The following KCNC3 variants were observed in gnomAD, a reference collection of about 807,000 sequenced individuals.
KCNC3 encodes potassium voltage-gated channel subfamily C member 3, also known as voltage-gated potassium channel KCNC3.
A neutral mutation model predicts 43.9 loss-of-function variants in KCNC3; 22 were observed. That is an observed-to-expected ratio of 0.50 (90% CI 0.36 to 0.72). The LOEUF is 0.72. KCNC3 is among the 30% of genes least tolerant of loss of function. The pLI is 0.00. For synonymous variants in KCNC3, 492 were observed against 488.0 expected, an observed-to-expected ratio of 1.01 and a Z score of -0.11; for missense variants, 829 against 1,073.8, an observed-to-expected ratio of 0.77 and a Z score of 3.19.
Position 50,320,486 on chromosome 19 carries a change from G to C in KCNC3, c.2170+107C>G, listed in dbSNP as rs530489287. 13 of 1,078,020 alleles carry C rather than the reference G, an allele frequency of 1.2e-5. No individual in the cohort carries two copies. The South Asian group carries it at 1.7e-4, about 14-fold the overall frequency. The allele number at this position is 1,078,020 out of a possible 1,614,324, so 66.8% of individuals were successfully genotyped here. On this transcript the variant is annotated intron_variant, in intron 3 of 4. Transcript: ENST00000477616. ...GGGAGGCAGTTTGGGGCCAAGGGAAGGGGGAAGGGAAGTCCACCGCCTCCT... is the reference window on the plus strand; with the variant it reads ...GGGAGGCAGTTTGGGGCCAAGGGAACGGGGAAGGGAAGTCCACCGCCTCCT...
At chr19:50,331,974 G>A (rs1293125810), upstream of KCNC3, among the ~76,000 whole-genome samples, 3 of 152,142 alleles carry the variant, frequency 2.0e-5, no homozygotes, top group African/African-American at 7.2e-5. Context: ...GCCCAGGAAG[G>A]TCGTTGCCCT....
upstream of KCNC3, chr19:50,329,894 T>G (rs1601104427): frequency 6.6e-6 from 1 of 151,856 alleles, no homozygotes; most frequent in African/African-American, 2.4e-5. Flanking sequence ...GCGGGCCTGG[T>G]TAGTCGGGGC....
chr19:50,328,570 G>A lies in KCNC3; in HGVS notation c.513C>T (p.Leu171=), dbSNP rs201217806. 3.7e-6 allele frequency: 6 copies of A among 1,610,958 alleles called. No homozygotes were observed. Among genetic ancestry groups the A allele is most frequent in the East Asian group, 2.2e-5 (1 of 44,804 alleles). Reference sequence around the variant, plus strand: ...CGGTCTCGTCGATGCCCCAGAAGCCGAGCTCCTCCTCAAACAGGGGCCCGC... The same window carrying A: ...CGGTCTCGTCGATGCCCCAGAAGCCAAGCTCCTCCTCAAACAGGGGCCCGC... ...DVCGPLFEEE[L]GFWGIDETDV... Residue 171 remains leucine (L), a synonymous_variant, in exon 1 of 5, where the codon CTC becomes CTT. Transcript: ENST00000477616.
At chr19:50,322,376 G>T (rs77320669) in intron 2 of KCNC3, among the ~76,000 whole-genome samples, 1 of 152,234 alleles carries the variant, frequency 6.6e-6, no homozygotes, top group East Asian at 1.9e-4. Flanking sequence ...TTTCCGTTCT[G>T]CCCTGGGGGA....
Position 50,312,955 on chromosome 19 carries a change from G to A in KCNC3, c.*3160C>T, listed in dbSNP as rs1188091829. 2 of 151,602 alleles carry A rather than the reference G, an allele frequency of 1.3e-5. No individual in the cohort carries two copies. The highest frequency in any genetic ancestry group is 2.9e-5 in the Non-Finnish European group (2 of 67,900). 9.4% of individuals were successfully genotyped at this position (151,602 alleles called of 1,614,324 possible). A position where few individuals can be genotyped will look rare whatever the true frequency, so the allele number is the denominator to read the frequency against. ...GGGAAGGATGGGGGGGACTCAAAAT[G>A]CCCCTTGCATAGGAATCGTTGCATC... On this transcript the variant is annotated 3_prime_UTR_variant, in exon 5 of 5. Transcript: ENST00000477616.
chr19:50,320,413 G>T, intron 3 of KCNC3, 64 bp from the exon 4 acceptor site: 1 of 626,946 alleles, frequency 1.6e-6, no homozygotes. Flanking sequence ...ACAGGTGAAG[G>T]GTCAGTGGTG....
In KCNC3 at chr19:50,322,980, C is replaced by T. The variant is rs1186390039; in HGVS notation, c.1973G>A (p.Arg658Gln). 12 of 1,550,360 alleles carry T rather than the reference C, an allele frequency of 7.7e-6. No homozygotes were observed. Among genetic ancestry groups the T allele is most frequent in the African/African-American group, 6.8e-5 (5 of 73,066 alleles). ...LAQEEVIEIN[R>Q]ADPRPNGDPA... is the part of the protein sequence containing the mutation. ...TCCCTGACGCCCAGGCTCACCTGCCCGGTTGATCTCAATCACCTCCTCCTG... is the reference window on the plus strand; with the variant it reads ...TCCCTGACGCCCAGGCTCACCTGCCTGGTTGATCTCAATCACCTCCTCCTG... The change falls in exon 2 of 5, where the codon CGG becomes CAG. Residue 658 changes from arginine (R) to glutamine (Q), a missense_variant. Arg to Gln is a conservative substitution (Grantham distance 43). Around this residue, in one of 7 missense-constraint regions of KCNC3, gnomAD observed 308 missense variants for 276.2 expected, o/e 1.11. Coordinates refer to ENST00000477616, the MANE Select transcript of KCNC3 (RefSeq NM_004977.3).
At position 50,328,847 on chromosome 19, in the gene KCNC3, C is replaced by T. The variant is rs2037141301; in HGVS notation, c.236G>A (p.Arg79Gln). ...GCTGTCGCCACCGCCGCCGCCGTGC[C>T]GCCCCATGGCCGCCGCCGGCAGCCC... ...CPGLPAAAMG[R>Q]HGGGGGDSGK... Residue 79 changes from arginine to glutamine, a missense_variant, in exon 1 of 5, where the codon CGG becomes CAG. Arg to Gln is a conservative substitution (Grantham distance 43, BLOSUM62 1). Transcript: ENST00000477616. 7.0e-7 allele frequency: 1 copy of T among 1,429,122 alleles called. No homozygotes were observed. The highest frequency in any genetic ancestry group is 9.1e-7 in the Non-Finnish European group (1 of 1,093,310). The allele number at this position is 1,429,122 out of a possible 1,614,324, so 88.5% of individuals were successfully genotyped here.
In KCNC3 at chr19:50,328,998, C is replaced by T; in HGVS notation, c.85G>A (p.Glu29Lys). 6.5e-6 allele frequency: 8 copies of T among 1,226,510 alleles called. No individual in the cohort carries two copies. The highest frequency in any genetic ancestry group is 8.3e-6 in the Non-Finnish European group (8 of 965,918). The allele number at this position is 1,226,510 out of a possible 1,614,324, so 76.0% of individuals were successfully genotyped here. ...QQPAPPPQPP[E>K]SPPPPPLPPQ... is the part of the protein sequence containing the mutation. ...GGCAGCGGTGGCGGCGGCGGGGACTCGGGCGGCTGCGGCGGTGGCGCCGGC... is the reference window on the plus strand; with the variant it reads ...GGCAGCGGTGGCGGCGGCGGGGACTTGGGCGGCTGCGGCGGTGGCGCCGGC... Residue 29 changes from glutamate (E) to lysine (K), a missense_variant, in exon 1 of 5, where the codon GAG becomes AAG. This residue lies in a region of KCNC3 where 129 missense variants were observed against 83.6 expected (regional missense o/e 1.54). Transcript: ENST00000477616.
intron 2 of KCNC3, among the ~76,000 whole-genome samples, chr19:50,321,006 T>C (rs887808166): frequency 1.7e-4 from 14 of 83,084 alleles, no homozygotes; most frequent in African/African-American, 3.2e-4. Flanking sequence ...TGGGGGGTGA[T>C]CATGGGGGTT....
In KCNC3 at chr19:50,320,309, CT is replaced by C; in HGVS notation, c.2210del (p.Lys737SerfsTer35). 6.9e-6 allele frequency: 6 copies of C among 863,464 alleles called. No individual in the cohort carries two copies. The highest frequency in any genetic ancestry group is 9.7e-6 in the Non-Finnish European group (6 of 615,476). The allele number at this position is 863,464 out of a possible 1,614,324, so 53.5% of individuals were successfully genotyped here. On this transcript the variant is annotated frameshift_variant, in exon 4 of 5. Coordinates refer to ENST00000477616, the MANE Select transcript of KCNC3 (RefSeq NM_004977.3). LOFTEE classifies it high-confidence loss of function. ...CGGGCAAGAAGCTTGGGGGGCCTGG[CT>C]TACGCCAGTCTTGGGGGGGCAGTGG... Reference protein sequence around the residue: ...APPLPPQDWRKPGPPSFLPDL... With the variant: ...APPLPPQDWRXPGPPSFLPDL...
rs765155263 is a variant in KCNC3 at position 50,323,259 on chromosome 19, C to T, written c.1694G>A (p.Arg565Gln). 25 of 1,603,320 alleles carry T rather than the reference C, an allele frequency of 1.6e-5. No individual in the cohort carries two copies. In the Middle Eastern group the frequency reaches 5.0e-4, roughly 32 times the overall value. ...GTTGGGCGAGCCCGGTTGCGGGGGC[C>T]GGGGGATGTGTTTGTTCTTCTTCTT... ...LPKKKNKHIP[R>Q]PPQPGSPNYC... The change falls in exon 2 of 5, where the codon CGG becomes CAG. Residue 565 changes from arginine to glutamine, a missense_variant. Arg to Gln is a conservative substitution (Grantham distance 43). This residue lies in a region of KCNC3 where 308 missense variants were observed against 276.2 expected (regional missense o/e 1.11). Coordinates refer to ENST00000477616, the MANE Select transcript of KCNC3 (RefSeq NM_004977.3).
chr19:50,317,093 G>A (rs1287880226), intron 4 of KCNC3, among the ~76,000 whole-genome samples: 1 of 150,276 alleles, frequency 6.7e-6, no homozygotes, highest in African/African-American at 2.5e-5. Context: ...TCTAGACCTG[G>A]GGGTGGGGAA....
Position 50,314,596 on chromosome 19 carries a change from G to A in KCNC3, c.*1519C>T. The A allele has an allele frequency of 3.1e-6, 1 of 323,120 alleles. No individual in the cohort carries two copies. The highest frequency in any genetic ancestry group is 4.5e-5 in the Admixed American group (1 of 22,198). The allele number at this position is 323,120 out of a possible 1,614,324, so 20.0% of individuals were successfully genotyped here. The stretch of plus-strand genomic sequence containing the variant: ...AGTTGATGGCAGGGGGATGTCCTAT[G>A]GCTCGTGGAGACCTGAGAAGGCTTT... On this transcript the variant is annotated 3_prime_UTR_variant, in exon 5 of 5. Coordinates refer to ENST00000477616, the MANE Select transcript of KCNC3 (RefSeq NM_004977.3).
intron 1 of KCNC3, 98 bp downstream of exon 1, chr19:50,328,115 G>A (rs1054259640): frequency 1.1e-6 from 1 of 932,272 alleles, no homozygotes. Flanking sequence ...GAGAAGCCTA[G>A]AGGGACCCGG....
rs2036884637 is a variant in KCNC3, at chr19:50,312,138, G to A, written c.*3977C>T. On this transcript the variant is annotated 3_prime_UTR_variant, in exon 5 of 5. Coordinates refer to ENST00000477616, the MANE Select transcript of KCNC3 (RefSeq NM_004977.3). Reference sequence around the variant, plus strand: ...CCTCCCTGCCCTGCGGGTGGGCTGAGAAGACCCGCCATTAGCACCAGAGTT... The same window carrying A: ...CCTCCCTGCCCTGCGGGTGGGCTGAAAAGACCCGCCATTAGCACCAGAGTT... 6.6e-6 allele frequency: 1 copy of A among 151,596 alleles called. No individual in the cohort carries two copies. The highest frequency in any genetic ancestry group is 1.5e-5 in the Non-Finnish European group (1 of 67,720). 9.4% of individuals were successfully genotyped at this position (151,596 alleles called of 1,614,324 possible).
At position 50,314,624 on chromosome 19, in the gene KCNC3, T is replaced by C. The variant is rs1036309254; in HGVS notation, c.*1491A>G. On this transcript the variant is annotated 3_prime_UTR_variant, in exon 5 of 5. Coordinates refer to ENST00000477616, the MANE Select transcript of KCNC3 (RefSeq NM_004977.3). The stretch of plus-strand genomic sequence containing the variant: ...TCGTGGAGACCTGAGAAGGCTTTTT[T>C]TGGGGAGGGAAGAGTTGGGGGGACG... 5.1e-5 allele frequency: 17 copies of C among 331,904 alleles called. No individual in the cohort carries two copies. The highest frequency in any genetic ancestry group is 9.3e-5 in the Non-Finnish European group (16 of 172,870). The allele number at this position is 331,904 out of a possible 1,614,324, so 20.6% of individuals were successfully genotyped here.
chr19:50,315,975 G>T lies in KCNC3; in HGVS notation c.*140C>A, dbSNP rs572462729. 1.9e-5 allele frequency: 6 copies of T among 318,226 alleles called. No individual in the cohort carries two copies. Among genetic ancestry groups the T allele is most frequent in the South Asian group, 1.5e-4 (1 of 6,650 alleles). The allele number at this position is 318,226 out of a possible 1,614,324, so 19.7% of individuals were successfully genotyped here. A position where few individuals can be genotyped will look rare whatever the true frequency, so the allele number is the denominator to read the frequency against. ...GATCGTAGGAGGGAGGGCTTGGGGG[G>T]AGATTTGAAGCCCAGTGTCTTGGGG... On this transcript the variant is annotated 3_prime_UTR_variant, in exon 5 of 5. Transcript: ENST00000477616.
chr19:50,319,692 G>A (rs1176796965), intron 4 of KCNC3, among the ~76,000 whole-genome samples: 2 of 152,066 alleles, frequency 1.3e-5, no homozygotes, highest in African/African-American at 4.8e-5. Flanking sequence ...CTCAAACCAT[G>A]ACTTTCTAGG....
Sources: gnomAD v4.1 joint callset for allele counts (sites outside exome capture counted in the v4.1 genomes callset) on GRCh38, gnomAD v4.1.1 for gene constraint, gnomAD v4.1.1 regional missense constraint, MANE v1.5 for transcripts, NCBI Gene and HGNC (gene_info 2026-07-23, HGNC 2026-07-21) for gene names.